Variants in SLC4A5 observed in about 807,000 individuals in gnomAD.
The protein encoded by SLC4A5 is electrogenic sodium bicarbonate cotransporter 4.
SLC4A5 carries 96 observed loss-of-function variants against 120.4 expected under a neutral mutation model. The ratio of observed to expected loss-of-function variants is 0.80; its 90% CI spans 0.68 to 0.94. The LOEUF is 0.94. SLC4A5 is among the 40% of genes least tolerant of loss of function. The pLI is 0.00. For synonymous variants in SLC4A5, 550 were observed against 571.1 expected (o/e 0.96, Z 0.53); for missense variants, 1,259 against 1,459.5 (o/e 0.86, Z 2.24).
At chr2:74,316,265 C>G (rs546244591) in intron 5 of SLC4A5, among the ~76,000 whole-genome samples, 1 of 141,378 alleles carries the variant, frequency 7.1e-6, no homozygotes, top group Non-Finnish European at 1.5e-5. Flanking sequence ...GGAAAGACAC[C>G]ACAATCAGTC....
At chr2:74,270,119 T>C (rs1409528158) in intron 8 of SLC4A5, among the ~76,000 whole-genome samples, 1 of 152,164 alleles carries the variant, frequency 6.6e-6, no homozygotes, top group African/African-American at 2.4e-5. Flanking sequence ...TCCAGAAAAT[T>C]TGATTTAAGA....
At chr2:74,228,036 G>A (rs898800614) in intron 25 of SLC4A5, among the ~76,000 whole-genome samples, 158 bp from the exon 26 acceptor site, 3 of 152,232 alleles carry the variant, frequency 2.0e-5, no homozygotes, top group Non-Finnish European at 4.4e-5. Flanking sequence ...CAGGGGTGAA[G>A]ATGAGGGTCA....
intron 6 of SLC4A5, among the ~76,000 whole-genome samples, chr2:74,310,268 T>C (rs1672765752): frequency 6.6e-6 from 1 of 152,218 alleles, no homozygotes; most frequent in African/African-American, 2.4e-5. Flanking sequence ...TATTTCTTCT[T>C]TCCCAAACTA....
At chr2:74,309,240 A>G (rs903721547) in intron 6 of SLC4A5, among the ~76,000 whole-genome samples, 1 of 151,970 alleles carries the variant, frequency 6.6e-6, no homozygotes, top group Admixed American at 6.6e-5. Context: ...TTTTTTTTAA[A>G]CATATGAATG....
exon 16 of SLC4A5, chr2:74,252,218 G>A: frequency 6.2e-7 from 1 of 1,612,456 alleles, no homozygotes; most frequent in Non-Finnish European, 8.5e-7. Context: ...TTCATGCATG[G>A]CTGGCATCTC....
At chr2:74,280,753 C>T (rs10169277) in intron 8 of SLC4A5, among the ~76,000 whole-genome samples, 52,433 of 151,398 alleles carry the variant, frequency 0.35, 13,027 homozygotes, top group East Asian at 0.74. Context: ...GGCACGATCT[C>T]GGCTCCCTGC....
chr2:74,339,278 T>C (rs1362003478), intron 2 of SLC4A5: 2 of 152,166 alleles, frequency 1.3e-5, no homozygotes, highest in Non-Finnish European at 2.9e-5. Context: ...CAGCTAATAT[T>C]TGCTGGGCTT....
chr2:74,224,368 A>T (rs1026986338), intron 28 of SLC4A5, among the ~76,000 whole-genome samples: 1 of 151,944 alleles, frequency 6.6e-6, no homozygotes. Flanking sequence ...TGTCCTCAAT[A>T]CCCTAGGCAA....
intron 8 of SLC4A5, among the ~76,000 whole-genome samples, chr2:74,283,529 T>C (rs1256515653): frequency 1.3e-5 from 2 of 152,088 alleles, no homozygotes; most frequent in African/African-American, 2.4e-5. Context: ...ACATGGTACG[T>C]GGAGTGGGGA....
intron 5 of SLC4A5, among the ~76,000 whole-genome samples, chr2:74,322,302 A>C (rs1673117648): frequency 6.6e-6 from 1 of 152,352 alleles, no homozygotes; most frequent in South Asian, 2.1e-4. Context: ...AAATTAATGA[A>C]CTAGATTTTT....
intron 6 of SLC4A5, chr2:74,306,677 CT>C: frequency 1.5e-6 from 1 of 688,874 alleles, no homozygotes; most frequent in Non-Finnish European, 2.1e-6. Flanking sequence ...AACCTCTGAA[CT>C]TTTTATTGGC....
chr2:74,249,825 T>C (rs1434026884), intron 17 of SLC4A5, among the ~76,000 whole-genome samples: 1 of 152,320 alleles, frequency 6.6e-6, no homozygotes, highest in East Asian at 1.9e-4. Context: ...AGCTTTCCAA[T>C]GGCTCTACTT....
exon 23 of SLC4A5, chr2:74,233,418 T>C: frequency 6.2e-7 from 1 of 1,614,206 alleles, no homozygotes; most frequent in Non-Finnish European, 8.5e-7. Context: ...TTTGTTCTCC[T>C]TCCGGTTGAC....
At chr2:74,307,467 C>T (rs751641064) in intron 6 of SLC4A5, 47 of 623,898 alleles carry the variant, frequency 7.5e-5, no homozygotes, top group Admixed American at 5.0e-4. Context: ...GTGGAGCCCA[C>T]GGATGTCGCT....
At chr2:74,253,590 C>A (rs763448612) in intron 14 of SLC4A5, among the ~76,000 whole-genome samples, 33 of 152,080 alleles carry the variant, frequency 2.2e-4, no homozygotes, top group Non-Finnish European at 2.9e-5. Flanking sequence ...TCACATTTAA[C>A]CCTTTCCCAT....
chr2:74,219,179 GTGTGT>G (rs1694538210), intron 30 of SLC4A5, among the ~76,000 whole-genome samples: 1 of 30,096 alleles, frequency 3.3e-5, no homozygotes, highest in Non-Finnish European at 6.2e-5. Context: ...CTTTGGAGGT[GTGTGT>G]GTGTGTGTGT....
chr2:74,341,756 C>T (rs1195293594), intron 2 of SLC4A5, among the ~76,000 whole-genome samples: 2 of 152,188 alleles, frequency 1.3e-5, no homozygotes, highest in East Asian at 3.8e-4. Flanking sequence ...TTGCGGATTG[C>T]CCAGACTTAG....
intron 21 of SLC4A5, 53 bp downstream of exon 21, chr2:74,239,282 G>C (rs1011097454): frequency 6.4e-7 from 1 of 1,558,350 alleles, no homozygotes; most frequent in South Asian, 1.1e-5. Flanking sequence ...CTCTCTGGGG[G>C]ACTCAGCAGC....
intron 8 of SLC4A5, among the ~76,000 whole-genome samples, chr2:74,272,399 A>G (rs1013991206): frequency 2.0e-5 from 3 of 152,266 alleles, no homozygotes; most frequent in African/African-American, 7.2e-5. Context: ...AGCCAAGTTT[A>G]AAAACTTGCA....
Sources: allele counts gnomAD v4.1 joint callset (sites outside exome capture counted in the v4.1 genomes callset), GRCh38; gene constraint gnomAD v4.1.1; transcripts MANE v1.5; gene names NCBI Gene and HGNC (gene_info 2026-07-23, HGNC 2026-07-21).